COL23A1: variants seen among roughly 807,000 people sequenced by gnomAD.
The protein encoded by COL23A1 is collagen type XXIII alpha 1 chain.
A neutral mutation model predicts 99.3 loss-of-function variants in COL23A1; 97 were observed. The observed-to-expected ratio is 0.98, with a 90% CI of 0.83 to 1.16. COL23A1 has a LOEUF of 1.16. Ranked by LOEUF, COL23A1 falls within the 50% of genes most tolerant of loss-of-function variation. The probability of loss-of-function intolerance (pLI) is 0.00; values close to 1 mark genes in which losing one functional copy is unlikely to be tolerated. For missense variants in COL23A1, 762 were observed against 757.4 expected (o/e 1.01, Z -0.07); for synonymous variants, 320 against 308.2 (o/e 1.04, Z -0.40).
chr5:178,515,423 T>C (rs538056778), intron 2 of COL23A1, among the ~76,000 whole-genome samples: 24 of 152,210 alleles, frequency 1.6e-4, no homozygotes, highest in African/African-American at 5.1e-4. Context: ...TTCCACGGGG[T>C]GGAAGCCACT....
intron 2 of COL23A1, among the ~76,000 whole-genome samples, chr5:178,517,568 G>GTTTTTTTTTT (rs70997606): frequency 0.15 from 16,199 of 107,564 alleles, 2,553 homozygotes; most frequent in East Asian, 0.47. Context: ...TTTTTTTTTT[G>GTTTTTTTTTT]TTTTTTTTTT....
At chr5:178,410,626 C>T (rs867955474) in intron 2 of COL23A1, among the ~76,000 whole-genome samples, 9 of 152,042 alleles carry the variant, frequency 5.9e-5, no homozygotes, top group South Asian at 4.1e-4. Context: ...AAAATTAATG[C>T]GAAACAGTGG....
chr5:178,471,845 C>G (rs1207025655), intron 2 of COL23A1, among the ~76,000 whole-genome samples: 1 of 152,166 alleles, frequency 6.6e-6, no homozygotes, highest in African/African-American at 2.4e-5. Context: ...CTCGCCCCTC[C>G]CTTCCCACAG....
chr5:178,475,428 G>A (rs1756976001), intron 2 of COL23A1, among the ~76,000 whole-genome samples: 1 of 152,136 alleles, frequency 6.6e-6, no homozygotes, highest in Non-Finnish European at 1.5e-5. Flanking sequence ...GGGGGTACAG[G>A]CAGAGACCCC....
Position 178,237,751 on chromosome 5 carries a change from T to C in COL23A1, c.*947A>G, listed in dbSNP as rs570815393. Reference sequence around the variant, plus strand: ...AGCCTCTCGTCAGAGCGTGGGTGGGTCTGGTGGCAGGCCCCCTGCTCAGGC... The same window carrying C: ...AGCCTCTCGTCAGAGCGTGGGTGGGCCTGGTGGCAGGCCCCCTGCTCAGGC... On this transcript the variant is annotated 3_prime_UTR_variant, in exon 29 of 29. Coordinates refer to ENST00000390654, the MANE Select transcript of COL23A1 (RefSeq NM_173465.4). The C allele has an allele frequency of 2.8e-4, 43 of 152,596 alleles. No homozygotes were observed. The highest frequency in any genetic ancestry group is 1.0e-3 in the African/African-American group (43 of 41,582). The allele number at this position is 152,596 out of a possible 1,614,324, so 9.5% of individuals were successfully genotyped here.
At position 178,310,647 on chromosome 5, in the gene COL23A1, C is replaced by T. The variant is rs1407657726; in HGVS notation, c.362-3728G>A. Among the ~76,000 whole-genome samples, 2 of 152,116 alleles carry T rather than the reference C, an allele frequency of 1.3e-5. No homozygotes were observed. The highest frequency in any genetic ancestry group is 2.9e-5 in the Non-Finnish European group (2 of 68,024). On this transcript the variant is annotated intron_variant, in intron 2 of 28. Transcript: ENST00000390654. This position sits in a 1 kb window ranked among gnomAD's most constrained non-coding sequence, Gnocchi z 4.3. ...CTACCGGGCAGGCGGCCTTGGCGACCAGGGAGGCTGTTCCTCTGGGGATGT... is the reference window on the plus strand; with the variant it reads ...CTACCGGGCAGGCGGCCTTGGCGACTAGGGAGGCTGTTCCTCTGGGGATGT...
intron 2 of COL23A1, among the ~76,000 whole-genome samples, chr5:178,370,781 A>C (rs1243554613): frequency 2.6e-5 from 4 of 152,328 alleles, no homozygotes; most frequent in African/African-American, 9.6e-5. Flanking sequence ...AAAATAAATA[A>C]ACAAATAAAT....
intron 2 of COL23A1, among the ~76,000 whole-genome samples, chr5:178,522,995 C>T (rs1760036629): frequency 6.6e-6 from 1 of 151,650 alleles, no homozygotes; most frequent in African/African-American, 2.4e-5. Flanking sequence ...CATCTATGTC[C>T]AGAACTGAAT....
rs1761452372 is a variant in COL23A1 at position 178,544,205 on chromosome 5, T to C, written c.361+16477A>G. ...TATCACCCCACACAGTCCCCTCCCA[T>C]GCAACCCTTCCTTCCCCTTCCCACC... On this transcript the variant is annotated intron_variant, in intron 2 of 28. Transcript: ENST00000390654. The surrounding 1 kb of genome is among the most constrained non-coding windows in gnomAD (Gnocchi z 4.4). Among the ~76,000 whole-genome samples, 1 of 151,928 alleles carries C rather than the reference T, an allele frequency of 6.6e-6. No homozygotes were observed. The highest frequency in any genetic ancestry group is 2.4e-5 in the African/African-American group (1 of 41,366).
intron 2 of COL23A1, among the ~76,000 whole-genome samples, chr5:178,503,356 A>C (rs1758680486): frequency 6.6e-6 from 1 of 152,218 alleles, no homozygotes; most frequent in Admixed American, 6.5e-5. Context: ...TCCAAAAAAA[A>C]ACAAAAGTCA....
intron 2 of COL23A1, among the ~76,000 whole-genome samples, chr5:178,488,527 A>G (rs1454953297): frequency 1.3e-5 from 2 of 152,088 alleles, no homozygotes; most frequent in East Asian, 3.9e-4. Flanking sequence ...ATTATATTCA[A>G]TGTTTTCCTT....
chr5:178,513,143 C>A (rs531397794), intron 2 of COL23A1, among the ~76,000 whole-genome samples: 16 of 149,276 alleles, frequency 1.1e-4, no homozygotes, highest in Non-Finnish European at 2.1e-4. Flanking sequence ...TTCCAGAGGG[C>A]GCAGACCTGG....
intron 2 of COL23A1, among the ~76,000 whole-genome samples, chr5:178,489,051 C>T (rs968605744): frequency 6.6e-6 from 1 of 152,232 alleles, no homozygotes; most frequent in African/African-American, 2.4e-5. Context: ...CTATTGCTGT[C>T]GACCTGACTG....
intron 2 of COL23A1, among the ~76,000 whole-genome samples, chr5:178,390,200 TC>T (rs1356832973): frequency 2.6e-5 from 4 of 152,184 alleles, no homozygotes; most frequent in African/African-American, 9.7e-5. Context: ...GATGAATATA[TC>T]ATTTACTATC....
chr5:178,380,957 G>A lies in COL23A1; in HGVS notation c.362-74038C>T, dbSNP rs181904052. ...TGGAGATGTGTGGGCCCACCCAGCC[G>A]GCAGGCACATCTAGCTAGGCCCATT... On this transcript the variant is annotated intron_variant, in intron 2 of 28. Transcript: ENST00000390654. 8.9e-4 allele frequency among the ~76,000 whole-genome samples: 136 copies of A among 152,320 alleles called. 1 individual carries two copies. The highest frequency in any genetic ancestry group is 1.7e-3 in the Non-Finnish European group (118 of 68,014).
At chr5:178,315,784 T>TTTTC (rs869151464) in intron 2 of COL23A1, among the ~76,000 whole-genome samples, 2 of 146,882 alleles carry the variant, frequency 1.4e-5, no homozygotes, top group African/African-American at 5.1e-5. Context: ...TTTTTTTTTT[T>TTTTC]CAAGACAAAT....
At chr5:178,356,525 G>C (rs766199060) in intron 2 of COL23A1, among the ~76,000 whole-genome samples, 2 of 152,290 alleles carry the variant, frequency 1.3e-5, no homozygotes, top group East Asian at 3.9e-4. Context: ...GGAGGCAGGG[G>C]TGGGAGGAGG....
At chr5:178,583,014 C>T (rs1336154474) in intron 1 of COL23A1, among the ~76,000 whole-genome samples, 1 of 152,270 alleles carries the variant, frequency 6.6e-6, no homozygotes, top group African/African-American at 2.4e-5. Context: ...AGGCCTGGCC[C>T]TGCGTGCTCT....
chr5:178,280,580 T>G lies in COL23A1; in HGVS notation c.441+7744A>C, dbSNP rs1435208646. Reference sequence around the variant, plus strand: ...CTTTAGTCTATTTGCTTCGAAGACCTGGGCTTGGCTCGGTGACTTTGTGCA... The same window carrying G: ...CTTTAGTCTATTTGCTTCGAAGACCGGGGCTTGGCTCGGTGACTTTGTGCA... On this transcript the variant is annotated intron_variant, in intron 5 of 28. Transcript: ENST00000390654. This position sits in a 1 kb window ranked among gnomAD's most constrained non-coding sequence, Gnocchi z 4.9. Among the ~76,000 whole-genome samples, 1 of 152,180 alleles carries G rather than the reference T, an allele frequency of 6.6e-6. No individual in the cohort carries two copies. Among genetic ancestry groups the G allele is most frequent in the African/African-American group, 2.4e-5 (1 of 41,432 alleles).
Sources: allele counts gnomAD v4.1 joint callset (sites outside exome capture counted in the v4.1 genomes callset), GRCh38; gene constraint gnomAD v4.1.1; non-coding constraint Gnocchi (gnomAD v3.1); transcripts MANE v1.5; gene names NCBI Gene and HGNC (gene_info 2026-07-23, HGNC 2026-07-21).